LUM: variants seen among roughly 807,000 people sequenced by gnomAD.
LUM encodes the protein KSPG lumican.
LUM carries 13 observed loss-of-function variants against 20.5 expected under a neutral mutation model. The observed-to-expected ratio is 0.63, with a 90% confidence interval of 0.41 to 1.01. The LOEUF (loss-of-function observed/expected upper bound fraction) is 1.01. Ranked by LOEUF, LUM falls within the 50% of genes least tolerant of loss-of-function variation. LUM has a pLI of 0.00. For synonymous variants in LUM, 173 were observed against 151.5 expected (o/e 1.14, Z -1.04); for missense variants, 321 against 391.1 (o/e 0.82, Z 1.51).
chr12:91,108,688 C>A lies in LUM; in HGVS notation c.292G>T (p.Asp98Tyr), dbSNP rs1479555833. 6.2e-7 allele frequency: 1 copy of A among 1,614,004 alleles called. No individual in the cohort carries two copies. Among genetic ancestry groups the A allele is most frequent in the Admixed American group, 1.7e-5 (1 of 60,008 alleles). ...TTGGAGTTTTCTAGAAGGTTGTGATCTAGAATGAGCCACTGCAGATCAGTT... is the reference window on the plus strand; with the variant it reads ...TTGGAGTTTTCTAGAAGGTTGTGATATAGAATGAGCCACTGCAGATCAGTT... Reference protein sequence around the residue: ...NVTDLQWLILDHNLLENSKIK... With the variant: ...NVTDLQWLILYHNLLENSKIK... The change falls in exon 2 of 3, where the codon GAT becomes TAT. Residue 98 changes from aspartate (D) to tyrosine (Y), a missense_variant. Coordinates refer to ENST00000266718, the MANE Select transcript of LUM (RefSeq NM_002345.4). The surrounding 1 kb of genome is among the most constrained non-coding windows in gnomAD (Gnocchi z 4.2).
chr12:91,106,414 T>C (rs1024363756), intron 2 of LUM, among the ~76,000 whole-genome samples: 1 of 152,022 alleles, frequency 6.6e-6, no homozygotes, highest in African/African-American at 2.4e-5. Context: ...TGAATCATGG[T>C]TTTTCTCTTC....
chr12:91,111,301 T>C (rs1565759567), intron 1 of LUM, 97 bp downstream of exon 1: 1 of 152,192 alleles, frequency 6.6e-6, no homozygotes, highest in Non-Finnish European at 1.5e-5. Context: ...TGAATAGCAA[T>C]TGGCAAAATT....
Sources: gnomAD v4.1 joint callset for allele counts (sites outside exome capture counted in the v4.1 genomes callset) on GRCh38, gnomAD v4.1.1 for gene constraint, Gnocchi (gnomAD v3.1) non-coding constraint, MANE v1.5 for transcripts, NCBI Gene and HGNC (gene_info 2026-07-23, HGNC 2026-07-21) for gene names.